The following UBE2E3 variants were observed in gnomAD, a reference collection of about 807,000 sequenced individuals.
UBE2E3 encodes ubiquitin-conjugating enzyme E2 E3.
Under a neutral mutation model 23.6 loss-of-function variants are expected in UBE2E3, and 5 were observed. The observed-to-expected ratio is 0.21, with a 90% CI of 0.11 to 0.44. UBE2E3 has a LOEUF of 0.44. Among genes scored for constraint, UBE2E3 ranks in the 20% least tolerant of loss-of-function variants. The probability of loss-of-function intolerance (pLI) is 0.99; values close to 1 mark genes in which losing one functional copy is unlikely to be tolerated. For missense variants in UBE2E3, 81 were observed against 249.8 expected (o/e 0.32, Z 4.55); for synonymous variants, 78 against 87.5 (o/e 0.89, Z 0.60).
At chr2:181,042,509 C>T (rs1047847528) in intron 3 of UBE2E3, among the ~76,000 whole-genome samples, 16 of 152,126 alleles carry the variant, frequency 1.1e-4, no homozygotes, top group African/African-American at 3.9e-4. Context: ...AGGCAGTAGT[C>T]ATCAGGGAGG....
intron 3 of UBE2E3, among the ~76,000 whole-genome samples, chr2:181,032,929 A>G (rs898786607): frequency 3.9e-4 from 60 of 152,324 alleles, no homozygotes; most frequent in African/African-American, 1.3e-3. Flanking sequence ...CCCATTCACA[A>G]TTGCTTCAAA....
intron 3 of UBE2E3, among the ~76,000 whole-genome samples, chr2:181,041,157 A>T (rs937361724): frequency 6.8e-6 from 1 of 147,000 alleles, no homozygotes; most frequent in African/African-American, 2.5e-5. Context: ...CTGAGGCAGG[A>T]GAATTGCTTG....
intron 3 of UBE2E3, among the ~76,000 whole-genome samples, chr2:180,999,909 TAAAC>T (rs996157027): frequency 5.9e-5 from 9 of 152,244 alleles, no homozygotes; most frequent in South Asian, 2.1e-4. Flanking sequence ...TATGGACAAA[TAAAC>T]AGGCATGTTT....
intron 3 of UBE2E3, among the ~76,000 whole-genome samples, chr2:181,023,560 C>T (rs1224844454): frequency 6.6e-6 from 1 of 152,110 alleles, no homozygotes; most frequent in African/African-American, 2.4e-5. Context: ...TGTGAGGCAT[C>T]CCTTACTTTC....
chr2:181,057,202 C>G (rs1268838960), intron 3 of UBE2E3, among the ~76,000 whole-genome samples: 1 of 151,764 alleles, frequency 6.6e-6, no homozygotes, highest in Admixed American at 6.6e-5. Flanking sequence ...AATCAGTTGA[C>G]AACATTATAA....
chr2:181,038,886 C>A (rs1686384339), intron 3 of UBE2E3, among the ~76,000 whole-genome samples: 1 of 151,072 alleles, frequency 6.6e-6, no homozygotes, highest in Admixed American at 6.6e-5. Flanking sequence ...CAACTACATA[C>A]TGACTAGAAT....
chr2:180,986,832 A>G (rs1684485791), intron 3 of UBE2E3, among the ~76,000 whole-genome samples: 1 of 152,120 alleles, frequency 6.6e-6, no homozygotes, highest in Admixed American at 6.5e-5. Context: ...AAAAAGTTGA[A>G]TGAAACACAA....
chr2:181,032,371 A>G (rs1686110614), intron 3 of UBE2E3, among the ~76,000 whole-genome samples: 1 of 152,194 alleles, frequency 6.6e-6, no homozygotes, highest in South Asian at 2.1e-4. Context: ...TAAAAAATAT[A>G]TATTATCCTT....
At chr2:180,996,915 G>A (rs1347793258) in intron 3 of UBE2E3, among the ~76,000 whole-genome samples, 1 of 151,984 alleles carries the variant, frequency 6.6e-6, no homozygotes, top group Non-Finnish European at 1.5e-5. Context: ...ACACCTCCCC[G>A]CAATTCTGAA....
chr2:181,012,557 A>G (rs1373100510), intron 3 of UBE2E3, among the ~76,000 whole-genome samples: 1 of 152,202 alleles, frequency 6.6e-6, no homozygotes, highest in Non-Finnish European at 1.5e-5. Context: ...ATTGTCACAT[A>G]AGCACACAAG....
chr2:180,984,170 G>A lies in UBE2E3; in HGVS notation c.245+77G>A, dbSNP rs1684385410. ...AGATTGATGTATTGTCTGGATATGT[G>A]TGCAGCAGAGGAGACAACATTTGCT... On this transcript the variant is annotated intron_variant, in intron 3 of 5. Transcript: ENST00000410062. 4.6e-6 allele frequency: 6 copies of A among 1,295,584 alleles called. No homozygotes were observed. The South Asian group carries it at 5.5e-5, about 12-fold the overall frequency. The allele number at this position is 1,295,584 out of a possible 1,614,324, so 80.3% of individuals were successfully genotyped here. A position where few individuals can be genotyped will look rare whatever the true frequency, so the allele number is the denominator to read the frequency against.
In UBE2E3 at chr2:180,992,201, C is replaced by T. The variant is rs530690617; in HGVS notation, c.245+8108C>T. On this transcript the variant is annotated intron_variant, in intron 3 of 5. Coordinates refer to ENST00000410062, the MANE Select transcript of UBE2E3 (RefSeq NM_006357.4). ...TAAGGTGAAACTATCAGTGTCTACT[C>T]GTTTTTAAGTTGTTCTTTGTTTACT... Among the ~76,000 whole-genome samples, 65 of 152,142 alleles carry T rather than the reference C, an allele frequency of 4.3e-4. 2 individuals are homozygous for T. Among genetic ancestry groups the T allele is most frequent in the Admixed American group, 3.8e-3 (58 of 15,290 alleles).
intron 3 of UBE2E3, among the ~76,000 whole-genome samples, chr2:180,991,221 GT>G (rs1360465694): frequency 6.6e-6 from 1 of 151,564 alleles, no homozygotes; most frequent in Admixed American, 6.6e-5. Context: ...CTCTATAATA[GT>G]TCCCCCTTAT....
intron 3 of UBE2E3, chr2:180,990,109 A>T (rs947688155): frequency 2.5e-5 from 25 of 992,744 alleles, no homozygotes; most frequent in Non-Finnish European, 3.5e-5. Context: ...TCAAACTTTT[A>T]ACCTTTCTTT....
intron 3 of UBE2E3, among the ~76,000 whole-genome samples, chr2:181,032,561 T>A (rs1237479114): frequency 3.3e-5 from 5 of 152,208 alleles, no homozygotes; most frequent in African/African-American, 1.2e-4. Flanking sequence ...GTGTCTCATT[T>A]GACCCATTTC....
intron 2 of UBE2E3, among the ~76,000 whole-genome samples, chr2:180,983,693 C>T (rs760456636): frequency 2.0e-5 from 3 of 152,136 alleles, no homozygotes; most frequent in Non-Finnish European, 2.9e-5. Flanking sequence ...TGCTTTCCCT[C>T]CTCCCTTTTT....
chr2:180,992,694 C>T (rs1007243290), intron 3 of UBE2E3, among the ~76,000 whole-genome samples: 2 of 152,076 alleles, frequency 1.3e-5, no homozygotes, highest in African/African-American at 4.8e-5. Context: ...CAGAGTCTCA[C>T]TCTGTTACCC....
intron 3 of UBE2E3, among the ~76,000 whole-genome samples, chr2:181,028,739 T>C (rs1215132627): frequency 6.6e-6 from 1 of 152,112 alleles, no homozygotes; most frequent in Non-Finnish European, 1.5e-5. Context: ...CCAATTTTGT[T>C]TTATTAGGGG....
intron 5 of UBE2E3, among the ~76,000 whole-genome samples, chr2:181,061,146 C>T (rs1302601307): frequency 1.4e-4 from 1 of 7,092 alleles, no homozygotes; most frequent in Non-Finnish European, 2.1e-4. Flanking sequence ...GACGGAGTCT[C>T]GCTCTGTCGC....
Sources: gnomAD v4.1 joint callset for allele counts (sites outside exome capture counted in the v4.1 genomes callset) on GRCh38, gnomAD v4.1.1 for gene constraint, MANE v1.5 for transcripts, NCBI Gene and HGNC (gene_info 2026-07-23, HGNC 2026-07-21) for gene names.